Variants in ZMYND8 observed in about 807,000 individuals in gnomAD.
ZMYND8 encodes zinc finger MYND-type containing 8, also known as MYND-type zinc finger-containing chromatin reader ZMYND8.
In ZMYND8, 37 loss-of-function variants were observed where a neutral mutation model predicts 140.8. The observed-to-expected ratio is 0.26, with a 90% CI of 0.20 to 0.35. The LOEUF is 0.35. ZMYND8 is among the 10% of genes least tolerant of loss of function. ZMYND8 has a pLI of 1.00. For missense variants in ZMYND8, 1,068 were observed against 1,570.0 expected, an observed-to-expected ratio of 0.68 and a Z score of 5.40; for synonymous variants, 592 against 597.1, an observed-to-expected ratio of 0.99 and a Z score of 0.12.
intron 3 of ZMYND8, among the ~76,000 whole-genome samples, chr20:47,307,699 G>T (rs2078601882): frequency 1.3e-5 from 2 of 151,894 alleles, no homozygotes; most frequent in Admixed American, 6.6e-5. Flanking sequence ...GTGGTGGCAG[G>T]CGCCTGTAAT....
chr20:47,222,875 C>T (rs1171804456), intron 19 of ZMYND8, among the ~76,000 whole-genome samples: 4 of 152,258 alleles, frequency 2.6e-5, no homozygotes, highest in Non-Finnish European at 4.4e-5. Flanking sequence ...ACAGCCACAT[C>T]CATCCATTTA....
chr20:47,241,013 T>A (rs2039898605), intron 14 of ZMYND8, among the ~76,000 whole-genome samples: 1 of 151,636 alleles, frequency 6.6e-6, no homozygotes, highest in Admixed American at 6.6e-5. Context: ...ATGAGATTCT[T>A]GGCCGGGTGC....
At position 47,246,212 on chromosome 20, in the gene ZMYND8, CCTT is replaced by C; in HGVS notation, c.2077_2079del (p.Lys693del). 6.2e-7 allele frequency: 1 copy of C among 1,614,114 alleles called. No individual in the cohort carries two copies. The highest frequency in any genetic ancestry group is 8.5e-7 in the Non-Finnish European group (1 of 1,180,038). On this transcript the variant is annotated inframe_deletion, in exon 14 of 23. Transcript: ENST00000471951. The stretch of plus-strand genomic sequence containing the variant: ...GAAGGTTTTGCCTTTTCGGAAAAGT[CCTT>C]CTCAGGCTCAGGGCTGGCCTTGTCC...
At chr20:47,229,574 TA>T in intron 17 of ZMYND8, 151 bp downstream of exon 17, 1 of 672,146 alleles carries the variant, frequency 1.5e-6, no homozygotes, top group Non-Finnish European at 2.6e-6. Context: ...AAGGAAAAAA[TA>T]CCCCCATCGA....
intron 7 of ZMYND8, 22 bp from the exon 8 acceptor site, chr20:47,287,306 A>G (rs1247893311): frequency 6.3e-7 from 1 of 1,599,582 alleles, no homozygotes; most frequent in South Asian, 1.1e-5. Context: ...AGAAAACAGG[A>G]TTAATTCTAA....
chr20:47,275,390 A>G (rs927891175), intron 11 of ZMYND8, among the ~76,000 whole-genome samples: 1 of 151,158 alleles, frequency 6.6e-6, no homozygotes, highest in African/African-American at 2.4e-5. Context: ...GCTACTCGGG[A>G]GGCTGAGGAA....
intron 19 of ZMYND8, among the ~76,000 whole-genome samples, chr20:47,223,125 G>C (rs1223991572): frequency 6.6e-6 from 1 of 152,190 alleles, no homozygotes; most frequent in Non-Finnish European, 1.5e-5. Flanking sequence ...TTATTTATGG[G>C]ACACTTGAAA....
intron 21 of ZMYND8, among the ~76,000 whole-genome samples, chr20:47,213,707 G>A (rs993185101): frequency 3.3e-5 from 5 of 152,178 alleles, no homozygotes; most frequent in African/African-American, 9.7e-5. Flanking sequence ...GAGCTAAGGA[G>A]GCAAGTGTTT....
intron 3 of ZMYND8, among the ~76,000 whole-genome samples, chr20:47,306,031 T>TA (rs1169496167): frequency 6.6e-6 from 1 of 152,130 alleles, no homozygotes; most frequent in African/African-American, 2.4e-5. Context: ...AAAGGTCTTT[T>TA]AAAAATGCAT....
chr20:47,291,770 G>A (rs763877296), intron 6 of ZMYND8, 26 bp downstream of exon 6: 2 of 1,594,244 alleles, frequency 1.3e-6, no homozygotes, highest in Non-Finnish European at 1.7e-6. Context: ...GGGCTAGAAT[G>A]GTGAGGTTCT....
At chr20:47,346,203 T>C (rs1356780193) in intron 2 of ZMYND8, among the ~76,000 whole-genome samples, 3 of 151,898 alleles carry the variant, frequency 2.0e-5, no homozygotes, top group Non-Finnish European at 4.4e-5. Context: ...CCCTCTCCAC[T>C]TTGCCCCGTC....
At chr20:47,313,353 T>G (rs2079092185) in intron 2 of ZMYND8, among the ~76,000 whole-genome samples, 1 of 151,882 alleles carries the variant, frequency 6.6e-6, no homozygotes, top group South Asian at 2.1e-4. Flanking sequence ...CCGGGCGCAG[T>G]GGCTCACGCC....
chr20:47,295,832 T>A (rs114349763), intron 4 of ZMYND8, among the ~76,000 whole-genome samples: 1 of 152,224 alleles, frequency 6.6e-6, no homozygotes, highest in East Asian at 1.9e-4. Flanking sequence ...AATCCTTATG[T>A]AGCAGCAACA....
chr20:47,227,342 A>C, intron 17 of ZMYND8, 61 bp from the exon 18 acceptor site: 2 of 1,536,454 alleles, frequency 1.3e-6, no homozygotes, highest in Non-Finnish European at 1.8e-6. Context: ...AGGAGGGCTC[A>C]GAAGCTCAAC....
At chr20:47,232,082 C>A (rs1463400508) in intron 16 of ZMYND8, among the ~76,000 whole-genome samples, 1 of 152,142 alleles carries the variant, frequency 6.6e-6, no homozygotes, top group Non-Finnish European at 1.5e-5. Context: ...TCAAAAAAGT[C>A]ATTCCTGGAC....
At chr20:47,238,646 C>G in intron 15 of ZMYND8, 112 bp downstream of exon 15, 1 of 1,515,852 alleles carries the variant, frequency 6.6e-7, no homozygotes, top group Non-Finnish European at 8.9e-7. Context: ...GATACAATGG[C>G]CCGGAAACAA....
At chr20:47,307,205 C>T (rs903668602) in intron 3 of ZMYND8, among the ~76,000 whole-genome samples, 4 of 151,918 alleles carry the variant, frequency 2.6e-5, no homozygotes, top group African/African-American at 7.3e-5. Context: ...AATACCAGCA[C>T]TTTGGGAGGC....
intron 3 of ZMYND8, among the ~76,000 whole-genome samples, chr20:47,302,854 C>G (rs759792992): frequency 6.6e-6 from 1 of 152,162 alleles, no homozygotes; most frequent in African/African-American, 2.4e-5. Flanking sequence ...AAGATGACTA[C>G]TAAAAACCTG....
chr20:47,264,833 G>A (rs1569035327), intron 11 of ZMYND8, among the ~76,000 whole-genome samples: 4 of 151,856 alleles, frequency 2.6e-5, no homozygotes, highest in Admixed American at 1.3e-4. Context: ...TCGGAAGTTC[G>A]AGACCAGCCT....
Sources: allele counts gnomAD v4.1 joint callset (sites outside exome capture counted in the v4.1 genomes callset), GRCh38; gene constraint gnomAD v4.1.1; transcripts MANE v1.5; gene names NCBI Gene and HGNC (gene_info 2026-07-23, HGNC 2026-07-21).